ARHGEF10L: variants seen among roughly 807,000 people sequenced by gnomAD.
ARHGEF10L encodes rho guanine nucleotide exchange factor 10-like protein.
In ARHGEF10L, 69 loss-of-function variants were observed where a neutral mutation model predicts 141.2. The observed-to-expected ratio is 0.49, with a 90% CI of 0.40 to 0.60. ARHGEF10L has a LOEUF of 0.60. ARHGEF10L is among the 20% of genes least tolerant of loss of function. ARHGEF10L has a pLI of 0.00. For synonymous variants in ARHGEF10L, 711 were observed against 718.5 expected, an observed-to-expected ratio of 0.99 and a Z score of 0.17; for missense variants, 1,482 against 1,734.3, an observed-to-expected ratio of 0.85 and a Z score of 2.58.
intron 1 of ARHGEF10L, among the ~76,000 whole-genome samples, chr1:17,547,521 C>T (rs1008169211): frequency 2.0e-5 from 3 of 152,184 alleles, no homozygotes; most frequent in Admixed American, 2.0e-4. Flanking sequence ...CTCATTACTC[C>T]CCTCTCTTCA....
At chr1:17,662,721 A>G (rs1362957417) in intron 25 of ARHGEF10L, among the ~76,000 whole-genome samples, 1 of 152,004 alleles carries the variant, frequency 6.6e-6, no homozygotes, top group Non-Finnish European at 1.5e-5. Context: ...GTGGGAGTCT[A>G]GTTTGGCTCT....
rs1197067983 is a variant in ARHGEF10L at position 17,615,916 on chromosome 1, G to A, written c.727-178G>A. ...GTTGCCCCTAAAGAGGGAGATCCCC[G>A]GGCATGAACGCACCTTCTCACCCCC... On this transcript the variant is annotated intron_variant, in intron 8 of 28. Transcript: ENST00000361221. The surrounding 1 kb of genome is among the most constrained non-coding windows in gnomAD (Gnocchi z 4.7). The A allele has an allele frequency of 2.5e-5, 15 of 590,714 alleles. No individual in the cohort carries two copies. The highest frequency in any genetic ancestry group is 5.6e-5 in the East Asian group (2 of 35,490). The allele number at this position is 590,714 out of a possible 1,614,324, so 36.6% of individuals were successfully genotyped here.
intron 25 of ARHGEF10L, among the ~76,000 whole-genome samples, chr1:17,662,782 G>A (rs1194602618): frequency 1.3e-5 from 2 of 152,126 alleles, no homozygotes; most frequent in Non-Finnish European, 2.9e-5. Context: ...GGGCCCTTCC[G>A]GCTTTGGAGA....
intron 8 of ARHGEF10L, among the ~76,000 whole-genome samples, chr1:17,613,754 G>A (rs1259222334): frequency 6.6e-6 from 1 of 152,242 alleles, no homozygotes; most frequent in Admixed American, 6.5e-5. Flanking sequence ...CTGAGCACCT[G>A]CTCTGTGTCT....
At chr1:17,610,560 A>G (rs886293559) in intron 7 of ARHGEF10L, among the ~76,000 whole-genome samples, 1 of 151,802 alleles carries the variant, frequency 6.6e-6, no homozygotes, top group African/African-American at 2.4e-5. Flanking sequence ...TCTGCCAGGG[A>G]CTCTACTGAG....
At chr1:17,657,680 T>C (rs1463730732) in intron 25 of ARHGEF10L, among the ~76,000 whole-genome samples, 2 of 152,184 alleles carry the variant, frequency 1.3e-5, no homozygotes, top group African/African-American at 4.8e-5. Context: ...GCATTTATAG[T>C]TTTTAATTAA....
chr1:17,589,713 G>A (rs898437203), intron 4 of ARHGEF10L, among the ~76,000 whole-genome samples: 6 of 152,172 alleles, frequency 3.9e-5, no homozygotes, highest in Admixed American at 2.6e-4. Flanking sequence ...GCAGCCATTC[G>A]TCCTGCACCT....
At chr1:17,676,184 A>C (rs1263657245) in intron 26 of ARHGEF10L, among the ~76,000 whole-genome samples, 2 of 54,610 alleles carry the variant, frequency 3.7e-5, no homozygotes. Flanking sequence ...AGGTGTGGGT[A>C]CAGGTGTAGG....
In ARHGEF10L at chr1:17,603,671, G is replaced by A. The variant is rs530907279; in HGVS notation, c.433+80G>A. On this transcript the variant is annotated intron_variant, in intron 6 of 28. Transcript: ENST00000361221. The surrounding 1 kb of genome is among the most constrained non-coding windows in gnomAD (Gnocchi z 4.8). ...GGACTGGGGAGGGTTGTCTCTTTCC[G>A]TTTCCTTCTGTCCCCACCTGGCCAA... 3.7e-5 allele frequency: 48 copies of A among 1,307,796 alleles called. No homozygotes were observed. Among genetic ancestry groups the A allele is most frequent in the African/African-American group, 2.7e-4 (18 of 67,312 alleles). The allele number at this position is 1,307,796 out of a possible 1,614,324, so 81.0% of individuals were successfully genotyped here. A position where few individuals can be genotyped will look rare whatever the true frequency, so the allele number is the denominator to read the frequency against.
chr1:17,515,975 G>T, the ARHGEF10L span, among the ~76,000 whole-genome samples: 2 of 152,212 alleles, frequency 1.3e-5, no homozygotes, highest in Admixed American at 6.5e-5. Context: ...CTCAGTTAAT[G>T]GTGAGCCCAG....
At chr1:17,518,244 G>C in the ARHGEF10L span, among the ~76,000 whole-genome samples, 2 of 152,204 alleles carry the variant, frequency 1.3e-5, no homozygotes, top group East Asian at 3.9e-4. Context: ...CTCTATTGCT[G>C]GTGTCTGAGC....
intron 22 of ARHGEF10L, among the ~76,000 whole-genome samples, chr1:17,650,198 C>T (rs549729246): frequency 1.3e-5 from 2 of 151,960 alleles, no homozygotes; most frequent in East Asian, 3.9e-4. Flanking sequence ...TCACTTGAGT[C>T]CAGGAGTTCG....
intron 2 of ARHGEF10L, among the ~76,000 whole-genome samples, chr1:17,581,785 G>A (rs998900393): frequency 2.0e-5 from 3 of 151,758 alleles, no homozygotes; most frequent in Non-Finnish European, 2.9e-5. Flanking sequence ...GCTTATCATC[G>A]TGGGTGTCAG....
the ARHGEF10L span, among the ~76,000 whole-genome samples, chr1:17,524,422 A>AC: frequency 2.0e-4 from 16 of 80,870 alleles, no homozygotes; most frequent in East Asian, 5.7e-4. Context: ...CACACACACA[A>AC]AATTAGCCTG....
In ARHGEF10L at chr1:17,623,471, T is replaced by C. The variant is rs1203654885; in HGVS notation, c.1200+296T>C. Among the ~76,000 whole-genome samples, 6 of 152,204 alleles carry C rather than the reference T, an allele frequency of 3.9e-5. No individual in the cohort carries two copies. ...CTCCCAGTCACTGTGGGCAGCCACC[T>C]GGCCGGTCACAAGCTCTCTTACCGA... On this transcript the variant is annotated intron_variant, in intron 12 of 28. Transcript: ENST00000361221. The surrounding 1 kb of genome is among the most constrained non-coding windows in gnomAD (Gnocchi z 4.7).
intron 26 of ARHGEF10L, among the ~76,000 whole-genome samples, chr1:17,679,950 G>A (rs2063987401): frequency 6.6e-6 from 1 of 152,152 alleles, no homozygotes; most frequent in African/African-American, 2.4e-5. Context: ...CCGGGAATGG[G>A]TGGCACAGCC....
intron 2 of ARHGEF10L, among the ~76,000 whole-genome samples, chr1:17,580,884 G>A (rs2078485753): frequency 6.6e-6 from 1 of 152,218 alleles, no homozygotes; most frequent in African/African-American, 2.4e-5. Flanking sequence ...CGCCGGAGAG[G>A]TGAACACACG....
At chr1:17,566,502 A>AAACAC (rs2077761991) in intron 1 of ARHGEF10L, among the ~76,000 whole-genome samples, 1 of 152,218 alleles carries the variant, frequency 6.6e-6, no homozygotes, top group South Asian at 2.1e-4. Context: ...GTTTGGCATA[A>AAACAC]AACACAAACA....
In ARHGEF10L at chr1:17,639,831, G is replaced by C; in HGVS notation, c.2172-371G>C. The C allele has an allele frequency of 7.5e-7, 1 of 1,338,196 alleles. No individual in the cohort carries two copies. The highest frequency in any genetic ancestry group is 9.8e-7 in the Non-Finnish European group (1 of 1,021,152). 82.9% of individuals were successfully genotyped at this position (1,338,196 alleles called of 1,614,324 possible). A position where few individuals can be genotyped will look rare whatever the true frequency, so the allele number is the denominator to read the frequency against. On this transcript the variant is annotated intron_variant, in intron 20 of 28. Coordinates refer to ENST00000361221, the MANE Select transcript of ARHGEF10L (RefSeq NM_018125.4). The surrounding 1 kb of genome is among the most constrained non-coding windows in gnomAD (Gnocchi z 4.3). ...CAAGTGAGACCCATTCCTCCCTCTA[G>C]AGGCACGTGGTCAGACATGTAAGGT... is the stretch of plus-strand genomic sequence containing the variant.
Sources: gnomAD v4.1 joint callset for allele counts (sites outside exome capture counted in the v4.1 genomes callset) on GRCh38, gnomAD v4.1.1 for gene constraint, Gnocchi (gnomAD v3.1) non-coding constraint, MANE v1.5 for transcripts, NCBI Gene and HGNC (gene_info 2026-07-23, HGNC 2026-07-21) for gene names.